The following EHD4 variants were observed in gnomAD, a reference collection of about 807,000 sequenced individuals.
The protein encoded by EHD4 is EH domain-containing protein 4.
Under a neutral mutation model 51.0 loss-of-function variants are expected in EHD4, and 37 were observed. The observed-to-expected ratio is 0.73, with a 90% CI of 0.56 to 0.95. The LOEUF (loss-of-function observed/expected upper bound fraction) is 0.95. Ranked by LOEUF, EHD4 falls within the 40% of genes least tolerant of loss-of-function variation. The pLI is 0.00. For missense variants in EHD4, 632 were observed against 733.1 expected, an observed-to-expected ratio of 0.86 and a Z score of 1.59; for synonymous variants, 297 against 317.3, an observed-to-expected ratio of 0.94 and a Z score of 0.68.
chr15:41,912,573 T>C (rs1363797883), intron 4 of EHD4, among the ~76,000 whole-genome samples: 1 of 152,066 alleles, frequency 6.6e-6, no homozygotes, highest in African/African-American at 2.4e-5. Flanking sequence ...TGTGCTCCTA[T>C]AGTCTCAGCT....
chr15:41,966,964 C>T (rs1325080816), intron 1 of EHD4, among the ~76,000 whole-genome samples: 1 of 152,194 alleles, frequency 6.6e-6, no homozygotes, highest in Non-Finnish European at 1.5e-5. Flanking sequence ...TAAATGCTGA[C>T]ACTCCCAAGT....
chr15:41,927,804 T>C (rs1481173884), intron 3 of EHD4, among the ~76,000 whole-genome samples: 2 of 152,236 alleles, frequency 1.3e-5, no homozygotes, highest in Non-Finnish European at 2.9e-5. Flanking sequence ...GTGCTTGTAA[T>C]GGATACTTAA....
intron 3 of EHD4, among the ~76,000 whole-genome samples, chr15:41,929,192 T>A (rs2067682976): frequency 6.6e-6 from 1 of 152,212 alleles, no homozygotes. Flanking sequence ...CGCTCTCTGC[T>A]CTTCCCACTC....
At chr15:41,942,476 C>G (rs2067779805) in intron 3 of EHD4, 1 of 152,540 alleles carries the variant, frequency 6.6e-6, no homozygotes, top group Non-Finnish European at 1.5e-5. Context: ...AACTCCTGAC[C>G]TCAGCTGATC....
chr15:41,925,244 T>C (rs1158985975), intron 3 of EHD4, among the ~76,000 whole-genome samples: 1 of 152,158 alleles, frequency 6.6e-6, no homozygotes, highest in East Asian at 1.9e-4. Context: ...AGGGGCTACA[T>C]ACCTAAGCTG....
intron 3 of EHD4, among the ~76,000 whole-genome samples, chr15:41,924,642 G>A (rs1228845261): frequency 6.6e-6 from 1 of 152,200 alleles, no homozygotes; most frequent in South Asian, 2.1e-4. Flanking sequence ...TGCCTATGAC[G>A]GGAGCCCGGC....
intron 3 of EHD4, among the ~76,000 whole-genome samples, chr15:41,924,330 C>G (rs1251755566): frequency 6.6e-6 from 1 of 152,222 alleles, no homozygotes; most frequent in African/African-American, 2.4e-5. Context: ...TGCCTGGGAC[C>G]TTCCTGGCTC....
chr15:41,919,296 C>T lies in EHD4; in HGVS notation c.838G>A (p.Asp280Asn). 1 of 1,614,194 alleles carries T rather than the reference C, an allele frequency of 6.2e-7. No homozygotes were observed. The highest frequency in any genetic ancestry group is 1.1e-5 in the South Asian group (1 of 91,080). The change falls in exon 4 of 6, where the codon GAC (aspartate) becomes AAC (asparagine). Residue 280 changes from aspartate to asparagine, a missense_variant. By Grantham distance (23) the Asp-to-Asn change is conservative. Coordinates refer to ENST00000220325, the MANE Select transcript of EHD4 (RefSeq NM_139265.4). Reference protein sequence around the residue: ...NRRLFEAEAQDLFRDIQSLPQ... With the variant: ...NRRLFEAEAQNLFRDIQSLPQ... The stretch of plus-strand genomic sequence containing the variant: ...AGGCTCTGGATGTCTCTAAAGAGGT[C>T]CTGGGCCTCAGCCTCGAAGAGCCGG...
At chr15:41,917,686 G>A (rs1031532422) in intron 4 of EHD4, among the ~76,000 whole-genome samples, 5 of 152,190 alleles carry the variant, frequency 3.3e-5, no homozygotes, top group Non-Finnish European at 7.3e-5. Context: ...CAGCCTTCCT[G>A]CTACCAAGCA....
chr15:41,915,551 A>G lies in EHD4; in HGVS notation c.924+3659T>C, dbSNP rs187836780. 3.3e-5 allele frequency among the ~76,000 whole-genome samples: 5 copies of G among 152,342 alleles called. No individual in the cohort carries two copies. The East Asian group carries it at 9.6e-4, about 29-fold the overall frequency. ...AAATGTTGCCTCATTTTTGTTGAGC[A>G]AAGATCTCCAAATGGGTGACAGCCT... On this transcript the variant is annotated intron_variant, in intron 4 of 5. Coordinates refer to ENST00000220325, the MANE Select transcript of EHD4 (RefSeq NM_139265.4).
intron 1 of EHD4, among the ~76,000 whole-genome samples, chr15:41,964,040 G>A (rs1165375621): frequency 1.3e-5 from 2 of 150,422 alleles, no homozygotes; most frequent in Non-Finnish European, 2.9e-5. Flanking sequence ...AGCTACTCCA[G>A]AGGCTGAGGC....
chr15:41,918,575 A>G (rs1189257660), intron 4 of EHD4, among the ~76,000 whole-genome samples: 3 of 151,850 alleles, frequency 2.0e-5, no homozygotes, highest in Non-Finnish European at 4.4e-5. Context: ...TTGGGCACAC[A>G]CTCCTGGGGC....
rs1414426319 is a variant in EHD4 at position 41,897,323 on chromosome 15, G to A, written c.*3322C>T. On this transcript the variant is annotated 3_prime_UTR_variant, in exon 6 of 6. Coordinates refer to ENST00000220325, the MANE Select transcript of EHD4 (RefSeq NM_139265.4). Reference sequence around the variant, plus strand: ...AGGAGGGTGAGCGAGGGTGCGAGGTGGAAAGGTCCAGGCCGCGGCTGTGAC... The same window carrying A: ...AGGAGGGTGAGCGAGGGTGCGAGGTAGAAAGGTCCAGGCCGCGGCTGTGAC... 6.6e-6 allele frequency: 1 copy of A among 152,244 alleles called. No individual in the cohort carries two copies. The highest frequency in any genetic ancestry group is 2.4e-5 in the African/African-American group (1 of 41,438). The allele number at this position is 152,244 out of a possible 1,614,324, so 9.4% of individuals were successfully genotyped here. A position where few individuals can be genotyped will look rare whatever the true frequency, so the allele number is the denominator to read the frequency against.
chr15:41,932,763 G>A (rs927711514), intron 3 of EHD4, among the ~76,000 whole-genome samples: 8 of 151,992 alleles, frequency 5.3e-5, no homozygotes, highest in African/African-American at 7.3e-5. Context: ...ATAGCTCTAC[G>A]GTCAGGCCCA....
chr15:41,945,002 A>G (rs2067802003), intron 2 of EHD4, among the ~76,000 whole-genome samples: 1 of 152,018 alleles, frequency 6.6e-6, no homozygotes, highest in Non-Finnish European at 1.5e-5. Context: ...TCACAGAAAA[A>G]ACCCCACCAT....
At chr15:41,946,812 T>G (rs1010220783) in intron 2 of EHD4, among the ~76,000 whole-genome samples, 4 of 152,204 alleles carry the variant, frequency 2.6e-5, no homozygotes, top group Admixed American at 2.6e-4. Context: ...AAATTCCAAT[T>G]AAATGATCAG....
intron 1 of EHD4, among the ~76,000 whole-genome samples, chr15:41,955,183 G>T (rs1186273530): frequency 6.7e-6 from 1 of 148,812 alleles, no homozygotes; most frequent in East Asian, 1.9e-4. Context: ...CTGATATGGC[G>T]CTGAGCCTTC....
At chr15:41,944,517 G>A (rs1428814558) in intron 2 of EHD4, among the ~76,000 whole-genome samples, 3 of 152,212 alleles carry the variant, frequency 2.0e-5, no homozygotes, top group Non-Finnish European at 4.4e-5. Context: ...AGCCTCCACA[G>A]TGCACATGTG....
At position 41,897,250 on chromosome 15, in the gene EHD4, T is replaced by G. The variant is rs918908974; in HGVS notation, c.*3395A>C. ...TGGAGAAAATAAACAGTGAAACACT[T>G]TCCTCATCTTCAAGGCAATTGTCTC... is the stretch of plus-strand genomic sequence containing the variant. On this transcript the variant is annotated 3_prime_UTR_variant, in exon 6 of 6. Transcript: ENST00000220325. The G allele has an allele frequency of 6.6e-6, 1 of 152,220 alleles. No individual in the cohort carries two copies. The highest frequency in any genetic ancestry group is 1.5e-5 in the Non-Finnish European group (1 of 68,054). The allele number at this position is 152,220 out of a possible 1,614,324, so 9.4% of individuals were successfully genotyped here.
Sources: allele counts gnomAD v4.1 joint callset (sites outside exome capture counted in the v4.1 genomes callset), GRCh38; gene constraint gnomAD v4.1.1; transcripts MANE v1.5; gene names NCBI Gene and HGNC (gene_info 2026-07-23, HGNC 2026-07-21).